The following PSMA1 variants were observed in gnomAD, a reference collection of about 807,000 sequenced individuals.
PSMA1 encodes the protein proteasome 20S subunit alpha 1, also known as proteasome subunit alpha type-1.
In PSMA1, 3 loss-of-function variants were observed where a neutral mutation model predicts 38.4. The ratio of observed to expected loss-of-function variants is 0.08; its 90% CI spans 0.04 to 0.20. The LOEUF is 0.20. Among genes scored for constraint, PSMA1 ranks in the 10% least tolerant of loss-of-function variants. The probability of loss-of-function intolerance (pLI) is 1.00; values close to 1 mark genes in which losing one functional copy is unlikely to be tolerated. For synonymous variants in PSMA1, 101 were observed against 107.1 expected (o/e 0.94, Z 0.35); for missense variants, 227 against 325.3 (o/e 0.70, Z 2.32).
rs1004070747 is a variant in PSMA1, at chr11:14,616,199, C to T, written c.-165-5048G>A. Among the ~76,000 whole-genome samples the T allele has an allele frequency of 4.7e-5, 7 of 150,134 alleles. No homozygotes were observed. The South Asian group carries it at 1.3e-3, about 27-fold the overall frequency. On this transcript the variant is annotated intron_variant, in intron 1 of 10. Transcript: ENST00000418988. Reference sequence around the variant, plus strand: ...TGTAAGATTTCTTAAACTTCCCTAACTATTGGAGGTGAGAGTTGGAGGATC... The same window carrying T: ...TGTAAGATTTCTTAAACTTCCCTAATTATTGGAGGTGAGAGTTGGAGGATC...
At chr11:14,608,719 TATATA>T (rs901317350) in intron 2 of PSMA1, among the ~76,000 whole-genome samples, 1 of 147,802 alleles carries the variant, frequency 6.8e-6, no homozygotes, top group Middle Eastern at 3.6e-3. Context: ...TATATAATTA[TATATA>T]ATATAAAAGT....
At chr11:14,543,391 T>A (rs541406811) in intron 2 of PSMA1, among the ~76,000 whole-genome samples, 1 of 152,332 alleles carries the variant, frequency 6.6e-6, no homozygotes, top group East Asian at 1.9e-4. Context: ...TTTTGTCTTT[T>A]GAAAGATAGC....
intron 2 of PSMA1, among the ~76,000 whole-genome samples, chr11:14,541,513 C>T (rs1445236547): frequency 6.6e-6 from 1 of 152,232 alleles, no homozygotes; most frequent in African/African-American, 2.4e-5. Flanking sequence ...AGAAGTTCAG[C>T]TTTCTTGTCC....
intron 1 of PSMA1, among the ~76,000 whole-genome samples, chr11:14,627,715 T>C (rs1169434147): frequency 6.6e-6 from 1 of 152,250 alleles, no homozygotes; most frequent in Non-Finnish European, 1.5e-5. Context: ...TCACATGCTG[T>C]AGTTGCTTCA....
At chr11:14,518,729 C>G (rs1851476598) in intron 2 of PSMA1, among the ~76,000 whole-genome samples, 1 of 152,194 alleles carries the variant, frequency 6.6e-6, no homozygotes, top group African/African-American at 2.4e-5. Flanking sequence ...GTTTTACTCT[C>G]TCTATATATA....
chr11:14,594,357 G>A (rs1239808942), intron 2 of PSMA1, among the ~76,000 whole-genome samples: 3 of 150,690 alleles, frequency 2.0e-5, no homozygotes, highest in African/African-American at 7.3e-5. Context: ...AGTCCAAATA[G>A]AGAGATCTAC....
chr11:14,629,351 G>A (rs1852967532), intron 1 of PSMA1, among the ~76,000 whole-genome samples: 4 of 152,154 alleles, frequency 2.6e-5, no homozygotes, highest in African/African-American at 9.7e-5. Flanking sequence ...TATATAAGGT[G>A]TAAGGAAGGG....
At chr11:14,641,276 G>GT (rs1327452081) in intron 1 of PSMA1, among the ~76,000 whole-genome samples, 4 of 152,040 alleles carry the variant, frequency 2.6e-5, no homozygotes, top group Non-Finnish European at 5.9e-5. Flanking sequence ...TGTGACTTCA[G>GT]TTTTTTTCAT....
rs954050874 is a variant in PSMA1, at chr11:14,505,081, T to C, written c.*111A>G. On this transcript the variant is annotated 3_prime_UTR_variant, in exon 10 of 10. Coordinates refer to ENST00000396394, the MANE Select transcript of PSMA1 (RefSeq NM_002786.4). ...CACATCTGGACTGATTCCTAAAACATAGCATTCCACCACTCTGCAACTTTT... is the reference window on the plus strand; with the variant it reads ...CACATCTGGACTGATTCCTAAAACACAGCATTCCACCACTCTGCAACTTTT... The C allele has an allele frequency of 2.2e-5, 21 of 969,358 alleles. No individual in the cohort carries two copies. In the East Asian group the frequency reaches 3.4e-4, roughly 16 times the overall value. 60.0% of individuals were successfully genotyped at this position (969,358 alleles called of 1,614,324 possible). A position where few individuals can be genotyped will look rare whatever the true frequency, so the allele number is the denominator to read the frequency against.
chr11:14,532,905 T>TA (rs1045512634), intron 2 of PSMA1, among the ~76,000 whole-genome samples: 32 of 150,524 alleles, frequency 2.1e-4, no homozygotes, highest in African/African-American at 5.5e-4. Context: ...AAAAAAAATT[T>TA]AAAAAAAATC....
chr11:14,588,001 T>G (rs2134186679), intron 2 of PSMA1, among the ~76,000 whole-genome samples: 1 of 152,348 alleles, frequency 6.6e-6, no homozygotes, highest in South Asian at 2.1e-4. Context: ...TAGGTAGTAC[T>G]TCTAGAAGAT....
intron 7 of PSMA1, 200 bp from the exon 8 acceptor site, chr11:14,511,151 G>A (rs918709068): frequency 2.2e-5 from 8 of 364,022 alleles, no homozygotes; most frequent in Non-Finnish European, 3.5e-5. Context: ...TATTTAATGA[G>A]AGGACTCATG....
At chr11:14,543,903 T>C (rs1347269078) in intron 2 of PSMA1, among the ~76,000 whole-genome samples, 3 of 152,220 alleles carry the variant, frequency 2.0e-5, no homozygotes, top group East Asian at 1.9e-4. Context: ...AGTTCACTCA[T>C]TTAAAGTGTT....
intron 1 of PSMA1, among the ~76,000 whole-genome samples, chr11:14,643,232 C>T (rs1001356891): frequency 6.6e-6 from 1 of 151,772 alleles, no homozygotes; most frequent in African/African-American, 2.4e-5. Flanking sequence ...CTAGCCACAG[C>T]GATTAGGGTT....
At chr11:14,622,769 C>T (rs1397829599) in intron 1 of PSMA1, among the ~76,000 whole-genome samples, 1 of 152,148 alleles carries the variant, frequency 6.6e-6, no homozygotes, top group Admixed American at 6.5e-5. Flanking sequence ...GGCTGCACTG[C>T]AAACAGAGCT....
chr11:14,558,399 G>C (rs537551212), intron 2 of PSMA1, among the ~76,000 whole-genome samples: 1 of 152,270 alleles, frequency 6.6e-6, no homozygotes, highest in Non-Finnish European at 1.5e-5. Context: ...CTGGGCAACA[G>C]AGTAAGCTCC....
chr11:14,513,397 G>C, intron 7 of PSMA1, 173 bp downstream of exon 7: 1 of 682,456 alleles, frequency 1.5e-6, no homozygotes, highest in Non-Finnish European at 2.1e-6. Flanking sequence ...GTAACCAGAA[G>C]TTAAGATTAG....
At chr11:14,594,867 A>G (rs150538582) in intron 2 of PSMA1, among the ~76,000 whole-genome samples, 2 of 152,216 alleles carry the variant, frequency 1.3e-5, no homozygotes, top group East Asian at 3.9e-4. Flanking sequence ...TCATCAACTC[A>G]TCATTTACAT....
chr11:14,606,012 T>A (rs1165994505), intron 2 of PSMA1, among the ~76,000 whole-genome samples: 2 of 152,228 alleles, frequency 1.3e-5, no homozygotes, highest in Non-Finnish European at 2.9e-5. Flanking sequence ...TAGTTTCTGG[T>A]CTTACATTTA....
Sources: allele counts gnomAD v4.1 joint callset (sites outside exome capture counted in the v4.1 genomes callset), GRCh38; gene constraint gnomAD v4.1.1; transcripts MANE v1.5; gene names NCBI Gene and HGNC (gene_info 2026-07-23, HGNC 2026-07-21).